GABBR2: variants seen among roughly 807,000 people sequenced by gnomAD.
GABBR2 encodes the protein G-protein coupled receptor 51.
A neutral mutation model predicts 105.6 loss-of-function variants in GABBR2; 23 were observed. That is an observed-to-expected ratio of 0.22 (90% CI 0.16 to 0.31). GABBR2 has a LOEUF of 0.31. Among genes scored for constraint, GABBR2 ranks in the 10% least tolerant of loss-of-function variants. The pLI, the probability that GABBR2 is intolerant of heterozygous loss-of-function variation, is 1.00. For missense variants in GABBR2, 734 were observed against 1,245.5 expected (o/e 0.59, Z 6.18); for synonymous variants, 478 against 499.7 (o/e 0.96, Z 0.58).
intron 1 of GABBR2, among the ~76,000 whole-genome samples, chr9:98,657,797 C>A (rs747605696): frequency 9.2e-5 from 14 of 152,260 alleles, no homozygotes; most frequent in Non-Finnish European, 1.5e-4. Context: ...GAGTGATTCT[C>A]ACAAGATCTG....
chr9:98,595,597 A>G (rs1255869271), intron 1 of GABBR2, among the ~76,000 whole-genome samples: 1 of 51,126 alleles, frequency 2.0e-5, no homozygotes, highest in African/African-American at 1.1e-4. Context: ...CTTGGTAGGG[A>G]GAGAGAATCC....
chr9:98,664,423 G>C (rs1464119727), intron 1 of GABBR2, among the ~76,000 whole-genome samples: 1 of 152,204 alleles, frequency 6.6e-6, no homozygotes, highest in East Asian at 1.9e-4. Context: ...CACTAGCTTT[G>C]CTAGATCAGA....
At chr9:98,536,194 C>A (rs140076922) in intron 3 of GABBR2, among the ~76,000 whole-genome samples, 2 of 152,304 alleles carry the variant, frequency 1.3e-5, no homozygotes, top group African/African-American at 4.8e-5. Context: ...GCAAGTAATT[C>A]TCATGACCAT....
rs146882694 is a variant in GABBR2 at position 98,523,780 on chromosome 9, T to A, written c.630+18093A>T. Reference sequence around the variant, plus strand: ...CTATTAGAAAACCCACCAGAGTTGTTGGTCATTTTAGAGAGGGGTGGTACT... The same window carrying A: ...CTATTAGAAAACCCACCAGAGTTGTAGGTCATTTTAGAGAGGGGTGGTACT... On this transcript the variant is annotated intron_variant, in intron 3 of 18. Transcript: ENST00000259455. Among the ~76,000 whole-genome samples the A allele has an allele frequency of 2.1e-3, 317 of 152,324 alleles. 2 individuals are homozygous for A. Among genetic ancestry groups the A allele is most frequent in the African/African-American group, 7.1e-3 (295 of 41,582 alleles).
Position 98,362,799 on chromosome 9 carries a change from GC to G in GABBR2, c.1808del (p.Gly603AlafsTer4). 1 of 1,598,888 alleles carries G rather than the reference GC, an allele frequency of 6.3e-7. No individual in the cohort carries two copies. Among genetic ancestry groups the G allele is most frequent in the Admixed American group, 1.7e-5 (1 of 57,792 alleles). On this transcript the variant is annotated frameshift_variant, in exon 13 of 19. Coordinates refer to ENST00000259455, the MANE Select transcript of GABBR2 (RefSeq NM_005458.8). LOFTEE classifies it high-confidence loss of function. Reference sequence around the variant, plus strand: ...GGATACACAGGTCGATCAGCAGCATGCCCCCCACGATCACAAGCAGTTTCTG... The same window carrying G: ...GGATACACAGGTCGATCAGCAGCATGCCCCCACGATCACAAGCAGTTTCTG... ...KDQKLLVIVG[G>X]MLLIDLCILI...
chr9:98,322,215 C>T (rs918137348), intron 13 of GABBR2, among the ~76,000 whole-genome samples: 8 of 152,208 alleles, frequency 5.3e-5, no homozygotes, highest in Middle Eastern at 3.4e-3. Context: ...GAATTTATTG[C>T]CTTCTCCCTT....
chr9:98,536,872 C>T (rs540834787), intron 3 of GABBR2, among the ~76,000 whole-genome samples: 1 of 152,306 alleles, frequency 6.6e-6, no homozygotes, highest in African/African-American at 2.4e-5. Flanking sequence ...GCCCCCAGCA[C>T]TGGACCAAGG....
chr9:98,682,816 C>A (rs527975472), intron 1 of GABBR2, among the ~76,000 whole-genome samples: 63 of 152,352 alleles, frequency 4.1e-4, no homozygotes, highest in South Asian at 1.0e-3. Context: ...ATACATTCAA[C>A]CTTTCTGATA....
At chr9:98,301,980 T>A (rs911739843) in intron 16 of GABBR2, among the ~76,000 whole-genome samples, 3 of 152,228 alleles carry the variant, frequency 2.0e-5, no homozygotes, top group African/African-American at 4.8e-5. Context: ...AAATCCAGAA[T>A]GTCCAGTCAA....
At chr9:98,465,385 T>C (rs1250811587) in intron 6 of GABBR2, among the ~76,000 whole-genome samples, 1 of 152,110 alleles carries the variant, frequency 6.6e-6, no homozygotes, top group Non-Finnish European at 1.5e-5. Context: ...CTATACAAAA[T>C]GTATTTCAGG....
intron 3 of GABBR2, among the ~76,000 whole-genome samples, chr9:98,534,080 G>C (rs1022169728): frequency 3.3e-5 from 5 of 152,212 alleles, no homozygotes; most frequent in African/African-American, 1.2e-4. Flanking sequence ...TTGACCCAAG[G>C]CCCTTTTGGT....
intron 1 of GABBR2, among the ~76,000 whole-genome samples, chr9:98,608,404 C>T (rs1236687500): frequency 6.6e-6 from 1 of 152,032 alleles, no homozygotes; most frequent in African/African-American, 2.4e-5. Context: ...CAGTTGAATG[C>T]AAGATAACAT....
At chr9:98,540,037 G>A (rs561243662) in intron 3 of GABBR2, among the ~76,000 whole-genome samples, 2 of 152,178 alleles carry the variant, frequency 1.3e-5, no homozygotes, top group African/African-American at 4.8e-5. Flanking sequence ...CCATCCACTT[G>A]TTTCACTCTC....
Position 98,342,248 on chromosome 9 carries a change from TG to T in GABBR2, c.1893+20466del, listed in dbSNP as rs534869596. Among the ~76,000 whole-genome samples, 15 of 151,756 alleles carry T rather than the reference TG, an allele frequency of 9.9e-5. No homozygotes were observed. In the South Asian group the frequency reaches 2.9e-3, roughly 30 times the overall value. ...GATTTTACATATGAAGATGGCATAT[TG>T]GGGGTGGAAAGGGGGTGTTCTGGGT... On this transcript the variant is annotated intron_variant, in intron 13 of 18. Coordinates refer to ENST00000259455, the MANE Select transcript of GABBR2 (RefSeq NM_005458.8).
At chr9:98,665,706 C>A (rs1001823217) in intron 1 of GABBR2, among the ~76,000 whole-genome samples, 6 of 152,154 alleles carry the variant, frequency 3.9e-5, no homozygotes, top group Non-Finnish European at 8.8e-5. Flanking sequence ...ACTTAATGTG[C>A]TTCTGAGCCC....
At chr9:98,356,141 T>C (rs1831479645) in intron 13 of GABBR2, among the ~76,000 whole-genome samples, 1 of 152,098 alleles carries the variant, frequency 6.6e-6, no homozygotes, top group Non-Finnish European at 1.5e-5. Context: ...TGGCAATGAG[T>C]GTTTTGATAC....
intron 9 of GABBR2, among the ~76,000 whole-genome samples, chr9:98,390,879 G>A (rs959314160): frequency 1.3e-5 from 2 of 152,164 alleles, no homozygotes; most frequent in African/African-American, 2.4e-5. Context: ...CAATAGACAA[G>A]AGAAAGTTGT....
At chr9:98,312,259 G>A (rs1830647290) in intron 13 of GABBR2, among the ~76,000 whole-genome samples, 3 of 152,182 alleles carry the variant, frequency 2.0e-5, no homozygotes, top group South Asian at 2.1e-4. Flanking sequence ...TTGCACTTAC[G>A]TGTCTTTGGT....
At position 98,565,467 on chromosome 9, in the gene GABBR2, C is replaced by T. The variant is rs185089526; in HGVS notation, c.459+12468G>A. 7.0e-4 allele frequency among the ~76,000 whole-genome samples: 106 copies of T among 152,228 alleles called. 1 individual carries two copies. The highest frequency in any genetic ancestry group is 2.5e-3 in the African/African-American group (102 of 41,538). ...ACAGGTCATAATGACACAACATTAT[C>T]GAGGTTATCAAGGCCCATCAACTGG... On this transcript the variant is annotated intron_variant, in intron 2 of 18. Coordinates refer to ENST00000259455, the MANE Select transcript of GABBR2 (RefSeq NM_005458.8).
Sources: allele counts gnomAD v4.1 joint callset (sites outside exome capture counted in the v4.1 genomes callset), GRCh38; gene constraint gnomAD v4.1.1; transcripts MANE v1.5; gene names NCBI Gene and HGNC (gene_info 2026-07-23, HGNC 2026-07-21).